ENTREP1: variants seen among roughly 807,000 people sequenced by gnomAD.
ENTREP1 encodes the protein endosomal transmembrane epsin interactor 1.
chr9:69,325,766 G>A, the ENTREP1 span: 1 of 1,218,828 alleles, frequency 8.2e-7, no homozygotes, highest in Non-Finnish European at 1.0e-6. Flanking sequence ...TCATCCCGGT[G>A]ATAGGGGGCT....
At chr9:69,390,945 AATT>A in the ENTREP1 span, among the ~76,000 whole-genome samples, 10 of 102,008 alleles carry the variant, frequency 9.8e-5, no homozygotes, top group Non-Finnish European at 1.7e-4. Flanking sequence ...CCAGCTAATT[AATT>A]TTTTTTTTTT....
the ENTREP1 span, among the ~76,000 whole-genome samples, chr9:69,377,122 T>C: frequency 6.6e-6 from 1 of 152,184 alleles, no homozygotes. Flanking sequence ...CGTTGTTCTG[T>C]GACAGAAAGC....
At chr9:69,371,399 T>A in the ENTREP1 span, 54 of 887,366 alleles carry the variant, frequency 6.1e-5, no homozygotes, top group South Asian at 6.7e-4. Flanking sequence ...TTTAAAAAAA[T>A]GTTCTCTTGG....
chr9:69,358,640 G>C, the ENTREP1 span, among the ~76,000 whole-genome samples: 2 of 152,144 alleles, frequency 1.3e-5, no homozygotes, highest in African/African-American at 2.4e-5. Context: ...AAGAATTCTA[G>C]GGTGGGATTA....
chr9:69,347,388 A>G, the ENTREP1 span, among the ~76,000 whole-genome samples: 1 of 152,268 alleles, frequency 6.6e-6, no homozygotes. Context: ...TTCCCTACCA[A>G]CATGGCTGTG....
the ENTREP1 span, chr9:69,329,496 A>G: frequency 3.1e-6 from 3 of 980,832 alleles, no homozygotes; most frequent in African/African-American, 1.7e-5. Context: ...AACAAATTCT[A>G]TAAAGCATCT....
At chr9:69,345,547 A>C in the ENTREP1 span, among the ~76,000 whole-genome samples, 17 of 152,186 alleles carry the variant, frequency 1.1e-4, no homozygotes, top group African/African-American at 3.6e-4. Flanking sequence ...GCCTTTTAAG[A>C]GGGAAAATAT....
the ENTREP1 span, chr9:69,383,842 C>A: frequency 3.2e-6 from 5 of 1,578,876 alleles, no homozygotes; most frequent in Non-Finnish European, 4.3e-6. Context: ...CCCCAGAGAA[C>A]AGCAGGGAGA....
At chr9:69,325,348 C>G in the ENTREP1 span, 3 of 1,167,380 alleles carry the variant, frequency 2.6e-6, no homozygotes, top group Non-Finnish European at 2.1e-6. Context: ...CCTGCTGCCC[C>G]GTGGCTGGGC....
chr9:69,391,934 C>T, the ENTREP1 span: 40 of 886,262 alleles, frequency 4.5e-5, no homozygotes, highest in Non-Finnish European at 6.3e-5. Flanking sequence ...CCTGTTGGCT[C>T]CCGTGTCTGC....
At chr9:69,389,410 C>T in the ENTREP1 span, among the ~76,000 whole-genome samples, 1 of 152,174 alleles carries the variant, frequency 6.6e-6, no homozygotes, top group African/African-American at 2.4e-5. Context: ...CCTCTTCTTA[C>T]AGAAGCCAGA....
chr9:69,368,860 G>A, the ENTREP1 span, among the ~76,000 whole-genome samples: 1 of 151,994 alleles, frequency 6.6e-6, no homozygotes, highest in South Asian at 2.1e-4. Context: ...TATACTTTAA[G>A]TTCTGGGATA....
At chr9:69,325,539 G>C in the ENTREP1 span, 4 of 1,138,054 alleles carry the variant, frequency 3.5e-6, no homozygotes, top group African/African-American at 3.3e-5. Context: ...TCCTCCCGCC[G>C]GGCAGTCGCC....
chr9:69,345,795 G>T, the ENTREP1 span, among the ~76,000 whole-genome samples: 1 of 151,982 alleles, frequency 6.6e-6, no homozygotes, highest in Non-Finnish European at 1.5e-5. Context: ...GTAGAAATGG[G>T]GTTTCACCAT....
chr9:69,364,884 G>T, the ENTREP1 span, among the ~76,000 whole-genome samples: 2 of 152,114 alleles, frequency 1.3e-5, no homozygotes, highest in Admixed American at 6.5e-5. Context: ...GGTTTTGCAG[G>T]AGTGGCATTC....
the ENTREP1 span, chr9:69,325,136 G>GGGCAGC: frequency 6.6e-5 from 69 of 1,039,086 alleles, no homozygotes; most frequent in Admixed American, 5.1e-4. Context: ...GCTGGAGCCA[G>GGGCAGC]GGCAGCGGCA....
the ENTREP1 span, among the ~76,000 whole-genome samples, chr9:69,341,559 G>C: frequency 6.6e-6 from 1 of 152,052 alleles, no homozygotes; most frequent in Non-Finnish European, 1.5e-5. Flanking sequence ...CATTTGGGGA[G>C]CTAGGAATTT....
chr9:69,378,030 T>G, the ENTREP1 span, among the ~76,000 whole-genome samples: 1 of 152,222 alleles, frequency 6.6e-6, no homozygotes, highest in African/African-American at 2.4e-5. Flanking sequence ...CTCTCTGTTT[T>G]CTGTCTTACT....
the ENTREP1 span, among the ~76,000 whole-genome samples, chr9:69,352,995 G>A: frequency 6.6e-6 from 1 of 152,116 alleles, no homozygotes; most frequent in South Asian, 2.1e-4. Flanking sequence ...AAATTAGCTG[G>A]TCATAGTGAC....
Sources: gnomAD v4.1 joint callset for allele counts (sites outside exome capture counted in the v4.1 genomes callset) on GRCh38, gnomAD v4.1.1 for gene constraint, MANE v1.5 for transcripts, NCBI Gene and HGNC (gene_info 2026-07-23, HGNC 2026-07-21) for gene names.